RPH3AL: variants seen among roughly 807,000 people sequenced by gnomAD.
RPH3AL encodes the protein rab effector Noc2.
A neutral mutation model predicts 43.1 loss-of-function variants in RPH3AL; 38 were observed. That is an observed-to-expected ratio of 0.88 (90% CI 0.68 to 1.15). RPH3AL has a LOEUF of 1.15. RPH3AL is among the 50% of genes most tolerant of loss of function. The pLI, the probability that RPH3AL is intolerant of heterozygous loss-of-function variation, is 0.00. For synonymous variants in RPH3AL, 189 were observed against 176.3 expected (o/e 1.07, Z -0.57); for missense variants, 462 against 423.2 (o/e 1.09, Z -0.81).
intron 5 of RPH3AL, among the ~76,000 whole-genome samples, chr17:299,664 C>T (rs1598043867): frequency 6.6e-6 from 1 of 152,364 alleles, no homozygotes; most frequent in East Asian, 1.9e-4. Flanking sequence ...GAATCGCAGG[C>T]CTCCCGAAGT....
intron 5 of RPH3AL, among the ~76,000 whole-genome samples, chr17:299,532 C>A (rs1240215600): frequency 3.3e-5 from 5 of 152,194 alleles, no homozygotes; most frequent in South Asian, 2.1e-4. Flanking sequence ...AGAGCTGCCC[C>A]CCGTGTCCTC....
In RPH3AL at chr17:245,055, G is replaced by A. The variant is rs1357534443; in HGVS notation, c.613+2056C>T. Among the ~76,000 whole-genome samples the A allele has an allele frequency of 6.6e-6, 1 of 150,534 alleles. No individual in the cohort carries two copies. The highest frequency in any genetic ancestry group is 1.5e-5 in the Non-Finnish European group (1 of 67,630). ...GTGGATGTGAGCACTATGTGTGCATGTGGATGTGTGTGCATAAATGTGCAT... is the reference window on the plus strand; with the variant it reads ...GTGGATGTGAGCACTATGTGTGCATATGGATGTGTGTGCATAAATGTGCAT... On this transcript the variant is annotated intron_variant, in intron 7 of 9. Coordinates refer to ENST00000331302, the MANE Select transcript of RPH3AL (RefSeq NM_006987.4). The surrounding 1 kb of genome is among the most constrained non-coding windows in gnomAD (Gnocchi z 5.9).
At chr17:239,823 T>C (rs1327514375) in intron 7 of RPH3AL, among the ~76,000 whole-genome samples, 2 of 152,196 alleles carry the variant, frequency 1.3e-5, no homozygotes, top group Admixed American at 1.3e-4. Context: ...AGAGACAGTG[T>C]CTCGTTACGT....
chr17:336,127 T>C (rs7222017), intron 1 of RPH3AL: 130,070 of 151,810 alleles, frequency 0.86, 55,945 homozygotes, highest in East Asian at 0.99. Context: ...TCGAAGACAC[T>C]GTGTGGGAGC....
At chr17:233,866 GCGGCT>G (rs1320029560) in intron 7 of RPH3AL, among the ~76,000 whole-genome samples, 8 of 111,232 alleles carry the variant, frequency 7.2e-5, no homozygotes, top group Non-Finnish European at 1.4e-4. Flanking sequence ...TGAGCAGGGA[GCGGCT>G]ACTTCCCCTG....
chr17:343,285 G>C (rs1036388813), intron 1 of RPH3AL, among the ~76,000 whole-genome samples: 1 of 152,146 alleles, frequency 6.6e-6, no homozygotes, highest in South Asian at 2.1e-4. Context: ...CAGTCTCTAC[G>C]TAAACACATT....
chr17:312,160 G>A (rs1028225406), intron 5 of RPH3AL, among the ~76,000 whole-genome samples: 3 of 152,126 alleles, frequency 2.0e-5, no homozygotes, highest in Non-Finnish European at 4.4e-5. Context: ...AATTAGACAG[G>A]CGTGGTGGCA....
intron 6 of RPH3AL, among the ~76,000 whole-genome samples, chr17:260,028 T>C (rs1215144174): frequency 2.0e-5 from 3 of 152,262 alleles, no homozygotes; most frequent in African/African-American, 7.2e-5. Flanking sequence ...TCTCTGTCCA[T>C]TGTCCACCCC....
intron 7 of RPH3AL, among the ~76,000 whole-genome samples, chr17:242,618 TATTG>T (rs1475750295): frequency 4.1e-5 from 6 of 145,428 alleles, no homozygotes; most frequent in Admixed American, 3.4e-4. Flanking sequence ...ACCCTTCCTC[TATTG>T]ATTACCTTCC....
rs1240511203 is a variant in RPH3AL, at chr17:290,725, G to A, written c.352-8871C>T. Among the ~76,000 whole-genome samples, 3 of 152,266 alleles carry A rather than the reference G, an allele frequency of 2.0e-5. No homozygotes were observed. Among genetic ancestry groups the A allele is most frequent in the Non-Finnish European group, 2.9e-5 (2 of 68,006 alleles). On this transcript the variant is annotated intron_variant, in intron 5 of 9. Transcript: ENST00000331302. The surrounding 1 kb of genome is among the most constrained non-coding windows in gnomAD (Gnocchi z 4.2). Reference sequence around the variant, plus strand: ...TGATGAGGAATTCCACCACGCTCCCGCAGATCAGAAGACGGGAAGGGGCTT... The same window carrying A: ...TGATGAGGAATTCCACCACGCTCCCACAGATCAGAAGACGGGAAGGGGCTT...
At position 306,905 on chromosome 17, in the gene RPH3AL, C is replaced by T. The variant is rs182847657; in HGVS notation, c.351+12515G>A. Among the ~76,000 whole-genome samples, 108 of 152,258 alleles carry T rather than the reference C, an allele frequency of 7.1e-4. 3 individuals are homozygous for T. In the East Asian group the frequency reaches 0.016, roughly 22 times the overall value. On this transcript the variant is annotated intron_variant, in intron 5 of 9. Coordinates refer to ENST00000331302, the MANE Select transcript of RPH3AL (RefSeq NM_006987.4). Reference sequence around the variant, plus strand: ...CCCAGCATAACCAGACTCCCAGCTGCGCCCGATGCCCCCACACTTCCTGGG... The same window carrying T: ...CCCAGCATAACCAGACTCCCAGCTGTGCCCGATGCCCCCACACTTCCTGGG...
Position 290,392 on chromosome 17 carries a change from G to A in RPH3AL, c.352-8538C>T, listed in dbSNP as rs1241683368. On this transcript the variant is annotated intron_variant, in intron 5 of 9. Coordinates refer to ENST00000331302, the MANE Select transcript of RPH3AL (RefSeq NM_006987.4). The surrounding 1 kb of genome is among the most constrained non-coding windows in gnomAD (Gnocchi z 4.2). Reference sequence around the variant, plus strand: ...ATGACTCCGGGAATCCTTCACTGAGGGTGGGAAGCGGGGATGTTTACCAGA... The same window carrying A: ...ATGACTCCGGGAATCCTTCACTGAGAGTGGGAAGCGGGGATGTTTACCAGA... 6.6e-6 allele frequency among the ~76,000 whole-genome samples: 1 copy of A among 151,884 alleles called. No homozygotes were observed. Among genetic ancestry groups the A allele is most frequent in the Non-Finnish European group, 1.5e-5 (1 of 67,980 alleles).
rs549954774 is a variant in RPH3AL at position 314,371 on chromosome 17, C to T, written c.351+5049G>A. On this transcript the variant is annotated intron_variant, in intron 5 of 9. Coordinates refer to ENST00000331302, the MANE Select transcript of RPH3AL (RefSeq NM_006987.4). Reference sequence around the variant, plus strand: ...GTTCTCCCAGGCAGGAGTCACTGCCCGAGTCCTGCAAGTTGGCCATTCCCA... The same window carrying T: ...GTTCTCCCAGGCAGGAGTCACTGCCTGAGTCCTGCAAGTTGGCCATTCCCA... Among the ~76,000 whole-genome samples the T allele has an allele frequency of 3.4e-5, 5 of 147,698 alleles. No individual in the cohort carries two copies. The East Asian group carries it at 7.8e-4, about 23-fold the overall frequency.
rs939559235 is a variant in RPH3AL, at chr17:264,669, G to A, written c.438+17099C>T. Among the ~76,000 whole-genome samples, 2 of 152,228 alleles carry A rather than the reference G, an allele frequency of 1.3e-5. No individual in the cohort carries two copies. The highest frequency in any genetic ancestry group is 2.9e-5 in the Non-Finnish European group (2 of 68,048). ...TTTGTGACCACACAGGACCAACGCA[G>A]GAAGAGGTCAGCATTTGCTCTTCTA... On this transcript the variant is annotated intron_variant, in intron 6 of 9. Transcript: ENST00000331302. This position sits in a 1 kb window ranked among gnomAD's most constrained non-coding sequence, Gnocchi z 4.8.
chr17:241,521 C>T (rs147589216), intron 7 of RPH3AL, among the ~76,000 whole-genome samples: 1 of 152,082 alleles, frequency 6.6e-6, no homozygotes, highest in African/African-American at 2.4e-5. Flanking sequence ...AATCTGTATC[C>T]GTTGGCCTGG....
intron 5 of RPH3AL, among the ~76,000 whole-genome samples, chr17:318,049 C>A (rs555865690): frequency 6.6e-6 from 1 of 152,230 alleles, no homozygotes; most frequent in East Asian, 1.9e-4. Flanking sequence ...CAAGAAAATT[C>A]CTTCTCTGTC....
chr17:315,902 C>T (rs2044114433), intron 5 of RPH3AL, among the ~76,000 whole-genome samples: 1 of 151,740 alleles, frequency 6.6e-6, no homozygotes, highest in African/African-American at 2.4e-5. Context: ...CCTGTGACTC[C>T]ACCTCCACTG....
chr17:245,552 C>A lies in RPH3AL; in HGVS notation c.613+1559G>T, dbSNP rs1022099780. ...TGAAGTGGGGCATAGGCCACAGCTG[C>A]CCCCATAGGCCTTCAGCCTCTCCGG... On this transcript the variant is annotated intron_variant, in intron 7 of 9. Coordinates refer to ENST00000331302, the MANE Select transcript of RPH3AL (RefSeq NM_006987.4). This position sits in a 1 kb window ranked among gnomAD's most constrained non-coding sequence, Gnocchi z 5.9. 1.3e-5 allele frequency among the ~76,000 whole-genome samples: 2 copies of A among 151,992 alleles called. No homozygotes were observed. The highest frequency in any genetic ancestry group is 2.9e-5 in the Non-Finnish European group (2 of 67,996).
chr17:270,959 G>A (rs1454471760), intron 6 of RPH3AL, among the ~76,000 whole-genome samples: 1 of 152,194 alleles, frequency 6.6e-6, no homozygotes, highest in Admixed American at 6.5e-5. Flanking sequence ...TGTATAAGGT[G>A]TAAGGAAGGG....
Sources: allele counts gnomAD v4.1 joint callset (sites outside exome capture counted in the v4.1 genomes callset), GRCh38; gene constraint gnomAD v4.1.1; non-coding constraint Gnocchi (gnomAD v3.1); transcripts MANE v1.5; gene names NCBI Gene and HGNC (gene_info 2026-07-23, HGNC 2026-07-21).